Variants in LRRC8C observed in about 807,000 individuals in gnomAD.
LRRC8C encodes the protein volume-regulated anion channel subunit LRRC8C.
LRRC8C carries 20 observed loss-of-function variants against 55.3 expected under a neutral mutation model. The observed-to-expected ratio is 0.36, with a 90% CI of 0.25 to 0.53. LRRC8C has a LOEUF of 0.53. Ranked by LOEUF, LRRC8C falls within the 20% of genes least tolerant of loss-of-function variation. The pLI is 0.92. For missense variants in LRRC8C, 659 were observed against 951.4 expected (o/e 0.69, Z 4.04); for synonymous variants, 376 against 360.7 (o/e 1.04, Z -0.48).
the LRRC8C span, among the ~76,000 whole-genome samples, chr1:89,622,923 T>C: frequency 6.6e-6 from 1 of 152,234 alleles, no homozygotes; most frequent in Non-Finnish European, 1.5e-5. Flanking sequence ...GAACAATTAA[T>C]ATAAAATGGT....
At chr1:89,710,114 G>A (rs1444830199) in intron 2 of LRRC8C, among the ~76,000 whole-genome samples, 1 of 152,160 alleles carries the variant, frequency 6.6e-6, no homozygotes, top group South Asian at 2.1e-4. Context: ...CAGTCTTGAA[G>A]AATGTGCTCA....
At chr1:89,616,459 G>T in the LRRC8C span, among the ~76,000 whole-genome samples, 1 of 152,166 alleles carries the variant, frequency 6.6e-6, no homozygotes, top group Non-Finnish European at 1.5e-5. Flanking sequence ...ACTTGTTCCT[G>T]CTTGCCCCAG....
intron 1 of LRRC8C, chr1:89,668,206 A>G (rs1286069928): frequency 6.6e-6 from 1 of 152,586 alleles, no homozygotes; most frequent in Non-Finnish European, 1.5e-5. Flanking sequence ...TTGCTGCACC[A>G]AGTTCTTGGA....
At chr1:89,710,545 G>A (rs948375844) in intron 2 of LRRC8C, among the ~76,000 whole-genome samples, 1 of 152,218 alleles carries the variant, frequency 6.6e-6, no homozygotes, top group African/African-American at 2.4e-5. Context: ...TAATAGAAAT[G>A]TTTGAAGACC....
chr1:89,680,141 A>C (rs997759464), intron 1 of LRRC8C, among the ~76,000 whole-genome samples: 1 of 150,748 alleles, frequency 6.6e-6, no homozygotes. Flanking sequence ...GCAGTGGCGC[A>C]ATCTCAGCTC....
At chr1:89,672,361 T>C (rs140042689) in intron 1 of LRRC8C, among the ~76,000 whole-genome samples, 1 of 152,364 alleles carries the variant, frequency 6.6e-6, no homozygotes, top group African/African-American at 2.4e-5. Flanking sequence ...GTTTACTGTC[T>C]GTCTTTCCAC....
chr1:89,695,405 A>G (rs976611389), intron 2 of LRRC8C, among the ~76,000 whole-genome samples: 8 of 152,184 alleles, frequency 5.3e-5, no homozygotes, highest in African/African-American at 1.9e-4. Flanking sequence ...GATTCTTTGC[A>G]CTGATATCCA....
At chr1:89,639,121 G>A (rs539688651) in intron 1 of LRRC8C, among the ~76,000 whole-genome samples, 1 of 152,048 alleles carries the variant, frequency 6.6e-6, no homozygotes, top group South Asian at 2.1e-4. Flanking sequence ...GAGTAGCTGG[G>A]ACTACAGGCA....
At chr1:89,691,200 T>C (rs1158372062) in intron 2 of LRRC8C, among the ~76,000 whole-genome samples, 1 of 152,216 alleles carries the variant, frequency 6.6e-6, no homozygotes, top group African/African-American at 2.4e-5. Context: ...TTTTCCAATA[T>C]GTAAATGCCT....
rs569673086 is a variant in LRRC8C at position 89,679,015 on chromosome 1, G to A, written c.-4-7455G>A. On this transcript the variant is annotated intron_variant, in intron 1 of 2. Transcript: ENST00000370454. ...GGATGGAGATATGAATTTGTGAAGC[G>A]TCAAGTATAGTTGGTATTGAAACAT... is the stretch of plus-strand genomic sequence containing the variant. Among the ~76,000 whole-genome samples, 76 of 152,232 alleles carry A rather than the reference G, an allele frequency of 5.0e-4. 1 individual carries two copies. Among genetic ancestry groups the A allele is most frequent in the East Asian group, 9.7e-4 (5 of 5,170 alleles).
chr1:89,659,456 T>C (rs1301409851), intron 1 of LRRC8C, among the ~76,000 whole-genome samples: 1 of 152,166 alleles, frequency 6.6e-6, no homozygotes, highest in Non-Finnish European at 1.5e-5. Flanking sequence ...CTCCATTTCT[T>C]GAGTAAGAGT....
intron 1 of LRRC8C, among the ~76,000 whole-genome samples, chr1:89,652,706 A>G (rs1047733380): frequency 3.9e-5 from 6 of 152,188 alleles, no homozygotes; most frequent in African/African-American, 1.4e-4. Context: ...GGGGATTAAA[A>G]AGAAAGCCAC....
At chr1:89,671,471 C>A (rs1017071830) in intron 1 of LRRC8C, among the ~76,000 whole-genome samples, 26 of 152,150 alleles carry the variant, frequency 1.7e-4, no homozygotes, top group African/African-American at 6.3e-4. Context: ...GAGTGAGGGG[C>A]CCTCATGGCA....
intron 2 of LRRC8C, among the ~76,000 whole-genome samples, chr1:89,702,187 G>A (rs2101329779): frequency 6.6e-6 from 1 of 152,050 alleles, no homozygotes; most frequent in Non-Finnish European, 1.5e-5. Context: ...AGACCTATTG[G>A]TGGACTCTGG....
intron 1 of LRRC8C, among the ~76,000 whole-genome samples, chr1:89,669,574 C>G (rs1319409711): frequency 6.6e-6 from 1 of 152,088 alleles, no homozygotes; most frequent in Non-Finnish European, 1.5e-5. Flanking sequence ...TTAGTGTTTG[C>G]CACTCTTACA....
intron 1 of LRRC8C, among the ~76,000 whole-genome samples, chr1:89,676,890 C>T (rs961579904): frequency 5.9e-5 from 9 of 152,166 alleles, no homozygotes; most frequent in Non-Finnish European, 1.0e-4. Context: ...GCCTGACATA[C>T]AATTCCCTCT....
At position 89,718,255 on chromosome 1, in the gene LRRC8C, G is replaced by T. The variant is rs758837434; in HGVS notation, c.*3273G>T. The T allele has an allele frequency of 6.6e-6, 1 of 151,950 alleles. No individual in the cohort carries two copies. Among genetic ancestry groups the T allele is most frequent in the Non-Finnish European group, 1.5e-5 (1 of 67,982 alleles). 9.4% of individuals were successfully genotyped at this position (151,950 alleles called of 1,614,324 possible). A position where few individuals can be genotyped will look rare whatever the true frequency, so the allele number is the denominator to read the frequency against. ...GAGTTTCAACAATTTACATTGCATC[G>T]TATGCAGTAGGTACTGCTTTTTCAG... is the stretch of plus-strand genomic sequence containing the variant. On this transcript the variant is annotated 3_prime_UTR_variant, in exon 3 of 3. Coordinates refer to ENST00000370454, the MANE Select transcript of LRRC8C (RefSeq NM_032270.5).
intron 1 of LRRC8C, among the ~76,000 whole-genome samples, chr1:89,663,356 G>A (rs1243966015): frequency 6.6e-6 from 1 of 152,024 alleles, no homozygotes; most frequent in Non-Finnish European, 1.5e-5. Flanking sequence ...GGATCATGAG[G>A]TCAGGAGATC....
rs758163741 is a variant in LRRC8C at position 89,713,278 on chromosome 1, G to A, written c.708G>A (p.Glu236=). 6.2e-6 allele frequency: 10 copies of A among 1,614,216 alleles called. No individual in the cohort carries two copies. Among genetic ancestry groups the A allele is most frequent in the Non-Finnish European group, 8.5e-6 (10 of 1,180,036 alleles). ...GGGCTCTGGATAAAAAGGAAGGTGA[G>A]CAGGCTAAGGCCTTATTTGAGAAGG... ...TAGALDKKEG[E]QAKALFEKVK... The change falls in exon 3 of 3, where the codon GAG becomes GAA. Residue 236 remains glutamate (E), a synonymous_variant. Transcript: ENST00000370454. The surrounding 1 kb of genome is among the most constrained non-coding windows in gnomAD (Gnocchi z 5.2).
Sources: gnomAD v4.1 joint callset for allele counts (sites outside exome capture counted in the v4.1 genomes callset) on GRCh38, gnomAD v4.1.1 for gene constraint, Gnocchi (gnomAD v3.1) non-coding constraint, MANE v1.5 for transcripts, NCBI Gene and HGNC (gene_info 2026-07-23, HGNC 2026-07-21) for gene names.